SPATS2: variants seen among roughly 807,000 people sequenced by gnomAD.
SPATS2 encodes spermatogenesis associated serine rich 2.
Under a neutral mutation model 63.7 loss-of-function variants are expected in SPATS2, and 38 were observed. That is an observed-to-expected ratio of 0.60 (90% CI 0.46 to 0.78). The LOEUF is 0.78. Ranked by LOEUF, SPATS2 falls within the 30% of genes least tolerant of loss-of-function variation. The probability of loss-of-function intolerance (pLI) is 0.00; values close to 1 mark genes in which losing one functional copy is unlikely to be tolerated. For missense variants in SPATS2, 588 were observed against 666.2 expected, an observed-to-expected ratio of 0.88 and a Z score of 1.29; for synonymous variants, 207 against 232.9, an observed-to-expected ratio of 0.89 and a Z score of 1.01.
intron 3 of SPATS2, among the ~76,000 whole-genome samples, chr12:49,468,319 C>T (rs1198118363): frequency 1.3e-5 from 2 of 151,752 alleles, no homozygotes; most frequent in South Asian, 4.1e-4. Flanking sequence ...ACCACCATGC[C>T]CAGCTAATTT....
intron 2 of SPATS2, among the ~76,000 whole-genome samples, chr12:49,396,046 G>A (rs79105789): frequency 0.094 from 14,339 of 152,212 alleles, 804 homozygotes; most frequent in African/African-American, 0.15. Flanking sequence ...TAGTGTTTCA[G>A]GGTTCATCCA....
intron 3 of SPATS2, among the ~76,000 whole-genome samples, chr12:49,463,941 A>AT (rs2137696343): frequency 6.6e-6 from 1 of 152,340 alleles, no homozygotes; most frequent in East Asian, 1.9e-4. Flanking sequence ...CTCCAAGCCT[A>AT]TTAGCCAATA....
At chr12:49,379,923 T>A (rs7970059) in intron 2 of SPATS2, among the ~76,000 whole-genome samples, 1 of 151,910 alleles carries the variant, frequency 6.6e-6, no homozygotes, top group Admixed American at 6.6e-5. Flanking sequence ...GTGCCTGGCC[T>A]ATTTCAGAAC....
chr12:49,423,877 A>G (rs1945026496), intron 2 of SPATS2, among the ~76,000 whole-genome samples: 2 of 152,102 alleles, frequency 1.3e-5, no homozygotes, highest in Admixed American at 1.3e-4. Context: ...CTGAGGGCAA[A>G]TTTATTAGTA....
chr12:49,494,872 C>T lies in SPATS2; in HGVS notation c.396C>T (p.Tyr132=), dbSNP rs774342955. Residue 132 remains tyrosine (Y), a synonymous_variant, in exon 7 of 14, where the codon TAC becomes TAT. Coordinates refer to ENST00000552918, the MANE Select transcript of SPATS2 (RefSeq NM_023071.4). ...PSSEKGGMNG[Y]HVNGAINDTE... ...CAGAGAAAGGTGGTATGAATGGCTA[C>T]CATGTCAATGGTGCCATCAATGACA... 6.2e-7 allele frequency: 1 copy of T among 1,613,960 alleles called. No homozygotes were observed. The highest frequency in any genetic ancestry group is 8.5e-7 in the Non-Finnish European group (1 of 1,180,014).
chr12:49,450,167 G>A (rs1051626068), intron 2 of SPATS2, among the ~76,000 whole-genome samples: 1 of 150,620 alleles, frequency 6.6e-6, no homozygotes, highest in Non-Finnish European at 1.5e-5. Context: ...TGTGTTTTTT[G>A]TAGATGGCAT....
intron 3 of SPATS2, among the ~76,000 whole-genome samples, chr12:49,464,575 C>T (rs1426346296): frequency 1.3e-5 from 2 of 149,212 alleles, no homozygotes; most frequent in Non-Finnish European, 3.0e-5. Context: ...TGCGATGAGC[C>T]GAGATCGTGC....
At chr12:49,402,505 G>A (rs969325691) in intron 2 of SPATS2, among the ~76,000 whole-genome samples, 2 of 152,146 alleles carry the variant, frequency 1.3e-5, no homozygotes, top group African/African-American at 4.8e-5. Flanking sequence ...TTATTGTAAC[G>A]ACAAGGTCTA....
At chr12:49,427,406 G>C (rs1945099943) in intron 2 of SPATS2, among the ~76,000 whole-genome samples, 1 of 152,150 alleles carries the variant, frequency 6.6e-6, no homozygotes. Context: ...GACATTTAGT[G>C]AATACATCAC....
At chr12:49,428,179 C>T (rs892981890) in intron 2 of SPATS2, among the ~76,000 whole-genome samples, 2 of 151,930 alleles carry the variant, frequency 1.3e-5, no homozygotes, top group Non-Finnish European at 2.9e-5. Flanking sequence ...GGCGTGAACC[C>T]AGGAGGCGGA....
rs545880795 is a variant in SPATS2, at chr12:49,455,333, G to GC, written c.-243-5435dup. Reference sequence around the variant, plus strand: ...GCTGCTATGTGTACGCTTATGGTCAGCCAGAGGTGTGTGGATAGTTTGGAC... The same window carrying GC: ...GCTGCTATGTGTACGCTTATGGTCAGCCCAGAGGTGTGTGGATAGTTTGGAC... On this transcript the variant is annotated intron_variant, in intron 2 of 13. Transcript: ENST00000552918. Among the ~76,000 whole-genome samples the GC allele has an allele frequency of 6.0e-4, 92 of 152,276 alleles. No homozygotes were observed. In the Middle Eastern group the frequency reaches 0.014, roughly 23 times the overall value.
chr12:49,499,808 C>T (rs1946533719), intron 8 of SPATS2, among the ~76,000 whole-genome samples: 1 of 152,072 alleles, frequency 6.6e-6, no homozygotes, highest in Non-Finnish European at 1.5e-5. Flanking sequence ...GTCTGAAAAC[C>T]ATTGTTTCAT....
intron 2 of SPATS2, among the ~76,000 whole-genome samples, chr12:49,398,135 CAAAAAAAAAA>C (rs71080193): frequency 4.4e-4 from 20 of 45,378 alleles, no homozygotes; most frequent in Admixed American, 2.7e-3. Flanking sequence ...GACCCTGTCT[CAAAAAAAAAA>C]AAAAAAAAAA....
intron 3 of SPATS2, among the ~76,000 whole-genome samples, chr12:49,480,059 T>C (rs1241389861): frequency 6.6e-6 from 1 of 152,222 alleles, no homozygotes; most frequent in Non-Finnish European, 1.5e-5. Flanking sequence ...GGGAATAATT[T>C]GCCATTATGT....
chr12:49,434,358 C>T (rs1318333007), intron 2 of SPATS2, among the ~76,000 whole-genome samples: 1 of 152,122 alleles, frequency 6.6e-6, no homozygotes, highest in East Asian at 1.9e-4. Context: ...TAAATACATT[C>T]ACAGTGTTGT....
chr12:49,525,901 A>G (rs1947024709), intron 13 of SPATS2, 43 bp from the exon 14 acceptor site: 3 of 1,586,134 alleles, frequency 1.9e-6, no homozygotes, highest in Admixed American at 3.5e-5. Flanking sequence ...ATGGGGTACC[A>G]TAATGCTAGA....
intron 2 of SPATS2, among the ~76,000 whole-genome samples, chr12:49,415,310 G>T (rs1944870775): frequency 6.6e-6 from 1 of 152,160 alleles, no homozygotes; most frequent in Non-Finnish European, 1.5e-5. Context: ...CTCCCAAAGT[G>T]CTGGGATTAC....
chr12:49,399,527 G>A (rs1421681160), intron 2 of SPATS2, among the ~76,000 whole-genome samples: 1 of 152,196 alleles, frequency 6.6e-6, no homozygotes, highest in African/African-American at 2.4e-5. Context: ...GGCATCTTGT[G>A]TCTCAACTTT....
In SPATS2 at chr12:49,519,104, T is replaced by A; in HGVS notation, c.930T>A (p.Ala310=). The A allele has an allele frequency of 6.2e-7, 1 of 1,614,022 alleles. No homozygotes were observed. Among genetic ancestry groups the A allele is most frequent in the Non-Finnish European group, 8.5e-7 (1 of 1,179,974 alleles). Residue 310 remains alanine (A), a synonymous_variant, in exon 11 of 14, where the codon GCT becomes GCA. Coordinates refer to ENST00000552918, the MANE Select transcript of SPATS2 (RefSeq NM_023071.4). ...MEILLSRQKK[A]ELLKKMTHVA... is the part of the protein sequence containing the mutation. ...TTTTGCTCAGCCGACAAAAGAAGGCTGAACTTCTAAAGAAGATGACTCATG... is the reference window on the plus strand; with the variant it reads ...TTTTGCTCAGCCGACAAAAGAAGGCAGAACTTCTAAAGAAGATGACTCATG...
Sources: gnomAD v4.1 joint callset for allele counts (sites outside exome capture counted in the v4.1 genomes callset) on GRCh38, gnomAD v4.1.1 for gene constraint, MANE v1.5 for transcripts, NCBI Gene and HGNC (gene_info 2026-07-23, HGNC 2026-07-21) for gene names.